The following NDUFAF6 variants were observed in gnomAD, a reference collection of about 807,000 sequenced individuals.
NDUFAF6 encodes NADH:ubiquinone oxidoreductase complex assembly factor 6.
Under a neutral mutation model 40.8 loss-of-function variants are expected in NDUFAF6, and 45 were observed. The ratio of observed to expected loss-of-function variants is 1.10; its 90% CI spans 0.87 to 1.42. NDUFAF6 has a LOEUF of 1.42. Among genes scored for constraint, NDUFAF6 ranks in the 40% most tolerant of loss-of-function variants. The pLI, the probability that NDUFAF6 is intolerant of heterozygous loss-of-function variation, is 0.00. For synonymous variants in NDUFAF6, 185 were observed against 155.9 expected (o/e 1.19, Z -1.39); for missense variants, 435 against 418.5 (o/e 1.04, Z -0.34).
intron 1 of NDUFAF6, among the ~76,000 whole-genome samples, chr8:94,910,263 A>G (rs6471501): frequency 0.64 from 97,583 of 151,916 alleles, 31,910 homozygotes; most frequent in East Asian, 0.79. Flanking sequence ...AACAATTCTC[A>G]TACGTCAGCC....
intron 2 of NDUFAF6, among the ~76,000 whole-genome samples, chr8:94,999,414 A>G (rs528935939): frequency 0.01 from 1,533 of 151,692 alleles, 29 homozygotes; most frequent in African/African-American, 0.035. Context: ...GAGCTGCCAC[A>G]CCCAGCCTCT....
Position 95,025,107 on chromosome 8 carries a change from G to A in NDUFAF6, c.99G>A (p.Met33Ile). ...RRPPLGLYAR[M>I]RRLPGPEVSG... Reference sequence around the variant, plus strand: ...CGCCTCTGGGTCTGTACGCGCGCATGCGGCGGCTGCCCGGGCCGGAGGTGT... The same window carrying A: ...CGCCTCTGGGTCTGTACGCGCGCATACGGCGGCTGCCCGGGCCGGAGGTGT... The change falls in exon 1 of 9, where the codon ATG (methionine) becomes ATA (isoleucine). Residue 33 changes from methionine to isoleucine, a missense_variant. Met to Ile is a conservative substitution (Grantham distance 10). Transcript: ENST00000396124. 1.3e-6 allele frequency: 2 copies of A among 1,481,514 alleles called. No individual in the cohort carries two copies. Among genetic ancestry groups the A allele is most frequent in the South Asian group, 1.3e-5 (1 of 77,510 alleles). The allele number at this position is 1,481,514 out of a possible 1,614,324, so 91.8% of individuals were successfully genotyped here.
chr8:95,047,098 GTGT>G lies in NDUFAF6; in HGVS notation c.687_689del (p.Phe230del). ...ACCATATCATGGGAGCAGAAGAAAG[GTGT>G]TCCTTCCCATGGATATTTGTATGCT... On this transcript the variant is annotated inframe_deletion, in exon 6 of 9. Transcript: ENST00000396124. 7 of 1,614,162 alleles carry G rather than the reference GTGT, an allele frequency of 4.3e-6. No homozygotes were observed. The highest frequency in any genetic ancestry group is 5.9e-6 in the Non-Finnish European group (7 of 1,180,014).
chr8:94,921,553 A>G (rs1819504082), intron 1 of NDUFAF6, among the ~76,000 whole-genome samples: 1 of 152,236 alleles, frequency 6.6e-6, no homozygotes, highest in Non-Finnish European at 1.5e-5. Context: ...TGGATGCAGA[A>G]TGTTCACAAA....
chr8:95,087,392 A>G (rs1381156626), intron 2 of NDUFAF6, among the ~76,000 whole-genome samples: 1 of 152,120 alleles, frequency 6.6e-6, no homozygotes, highest in Non-Finnish European at 1.5e-5. Flanking sequence ...TTTCGTCATG[A>G]CTGAAGTTCC....
At chr8:95,088,697 G>T (rs1246333470) in intron 2 of NDUFAF6, among the ~76,000 whole-genome samples, 1 of 99,270 alleles carries the variant, frequency 1.0e-5, no homozygotes, top group African/African-American at 5.4e-5. Context: ...TTTTGTGTGT[G>T]TGTGTGTGTG....
At chr8:94,994,278 C>T (rs766568063) in intron 2 of NDUFAF6, among the ~76,000 whole-genome samples, 47 of 152,046 alleles carry the variant, frequency 3.1e-4, no homozygotes, top group African/African-American at 4.6e-4. Flanking sequence ...GGTCTGGGCG[C>T]GGTGGCTCAC....
intron 2 of NDUFAF6, among the ~76,000 whole-genome samples, chr8:95,017,286 A>G (rs559381347): frequency 6.6e-6 from 1 of 152,012 alleles, no homozygotes; most frequent in East Asian, 1.9e-4. Context: ...GGATGAGGAG[A>G]CTGAAGTGAG....
intron 1 of NDUFAF6, among the ~76,000 whole-genome samples, chr8:94,900,180 G>A (rs2131165712): frequency 6.6e-6 from 1 of 151,928 alleles, no homozygotes; most frequent in South Asian, 2.1e-4. Context: ...TGGGGACAGG[G>A]GCTGTCTCTT....
chr8:94,988,801 A>G (rs767737375), intron 2 of NDUFAF6: 5 of 152,270 alleles, frequency 3.3e-5, no homozygotes, highest in Non-Finnish European at 7.3e-5. Flanking sequence ...CTACTGATGA[A>G]TGGATAAACA....
At chr8:94,975,356 A>G (rs3802191) in intron 1 of NDUFAF6, 21,986 of 152,284 alleles carry the variant, frequency 0.14, 1,773 homozygotes, top group Middle Eastern at 0.23. Flanking sequence ...GTATGGTGAG[A>G]TGTCTACTGA....
chr8:94,896,130 A>C (rs1174312012), intron 1 of NDUFAF6, among the ~76,000 whole-genome samples: 1 of 151,972 alleles, frequency 6.6e-6, no homozygotes, highest in Non-Finnish European at 1.5e-5. Context: ...GGGATCCCAG[A>C]GGGTAAAACC....
chr8:95,033,844 A>G (rs1240022247), intron 2 of NDUFAF6, among the ~76,000 whole-genome samples: 5 of 152,192 alleles, frequency 3.3e-5, no homozygotes, highest in Admixed American at 1.3e-4. Flanking sequence ...CAGGTGGTCC[A>G]GCAGAGCAGG....
At position 95,046,935 on chromosome 8, in the gene NDUFAF6, T is replaced by C. The variant is rs924704083; in HGVS notation, c.581-59T>C. ...GTTTAGGTTATTTCTCTATGCTATTTCTATTGATTTATTATGCACTTAGAA... is the reference window on the plus strand; with the variant it reads ...GTTTAGGTTATTTCTCTATGCTATTCCTATTGATTTATTATGCACTTAGAA... On this transcript the variant is annotated intron_variant, in intron 5 of 8. Coordinates refer to ENST00000396124, the MANE Select transcript of NDUFAF6 (RefSeq NM_152416.4). 6.2e-6 allele frequency: 10 copies of C among 1,606,198 alleles called. No individual in the cohort carries two copies. The Admixed American group carries it at 1.0e-4, about 16-fold the overall frequency.
intron 8 of NDUFAF6, among the ~76,000 whole-genome samples, chr8:95,056,505 G>A (rs1314765721): frequency 2.6e-5 from 4 of 151,880 alleles, no homozygotes; most frequent in Admixed American, 6.6e-5. Context: ...GAGCCACCAC[G>A]CGTGGTCTCT....
intron 9 of NDUFAF6, among the ~76,000 whole-genome samples, chr8:95,065,904 C>T (rs1388110328): frequency 6.6e-6 from 1 of 152,110 alleles, no homozygotes; most frequent in Non-Finnish European, 1.5e-5. Context: ...TATTTGTCCC[C>T]TTGAAGTTTA....
At chr8:94,905,081 T>A (rs1237757985) in intron 1 of NDUFAF6, among the ~76,000 whole-genome samples, 1 of 151,988 alleles carries the variant, frequency 6.6e-6, no homozygotes, top group Non-Finnish European at 1.5e-5. Flanking sequence ...ATACCTGTAA[T>A]CCCAGCTACT....
upstream of NDUFAF6, among the ~76,000 whole-genome samples, chr8:95,099,908 G>A (rs936613490): frequency 1.3e-5 from 2 of 152,166 alleles, no homozygotes; most frequent in Non-Finnish European, 2.9e-5. Flanking sequence ...TGGAAGTTTA[G>A]CTTCTAAATG....
chr8:95,041,425 A>G, intron 3 of NDUFAF6, 145 bp from the exon 4 acceptor site: 1 of 602,376 alleles, frequency 1.7e-6, no homozygotes, highest in Non-Finnish European at 3.0e-6. Context: ...TTTCCCTGAT[A>G]CTTCTTTAAC....
Sources: gnomAD v4.1 joint callset for allele counts (sites outside exome capture counted in the v4.1 genomes callset) on GRCh38, gnomAD v4.1.1 for gene constraint, MANE v1.5 for transcripts, NCBI Gene and HGNC (gene_info 2026-07-23, HGNC 2026-07-21) for gene names.